TNFRSF21: variants seen among roughly 807,000 people sequenced by gnomAD.
TNFRSF21 encodes the protein tumor necrosis factor receptor superfamily member 21.
A neutral mutation model predicts 45.6 loss-of-function variants in TNFRSF21; 19 were observed. The ratio of observed to expected loss-of-function variants is 0.42; its 90% CI spans 0.29 to 0.61. The LOEUF (loss-of-function observed/expected upper bound fraction) is 0.61, where lower values mean the gene tolerates loss of function less well. TNFRSF21 is among the 20% of genes least tolerant of loss of function. The pLI is 0.23. For missense variants in TNFRSF21, 737 were observed against 851.5 expected, an observed-to-expected ratio of 0.87 and a Z score of 1.67; for synonymous variants, 314 against 335.5, an observed-to-expected ratio of 0.94 and a Z score of 0.70.
chr6:47,295,191 C>G (rs1201810633), intron 1 of TNFRSF21, among the ~76,000 whole-genome samples: 1 of 152,202 alleles, frequency 6.6e-6, no homozygotes, highest in Non-Finnish European at 1.5e-5. Context: ...GTTGTCACTT[C>G]TATTCTCGGA....
At chr6:47,307,044 A>T (rs1762950325) in intron 1 of TNFRSF21, among the ~76,000 whole-genome samples, 1 of 152,194 alleles carries the variant, frequency 6.6e-6, no homozygotes, top group Admixed American at 6.5e-5. Context: ...TGTGCTGTGG[A>T]CTTGGGCATG....
At chr6:47,267,844 C>T (rs1045535020) in intron 3 of TNFRSF21, among the ~76,000 whole-genome samples, 1 of 152,142 alleles carries the variant, frequency 6.6e-6, no homozygotes, top group Non-Finnish European at 1.5e-5. Flanking sequence ...TGCTGCCTCC[C>T]AGGGTGAAGT....
intron 3 of TNFRSF21, among the ~76,000 whole-genome samples, chr6:47,259,486 G>A (rs544361153): frequency 4.6e-5 from 7 of 152,004 alleles, no homozygotes; most frequent in South Asian, 2.1e-4. Flanking sequence ...GAGATTCTCC[G>A]GCCTCAGGCT....
chr6:47,244,280 C>T (rs573618789), intron 4 of TNFRSF21, among the ~76,000 whole-genome samples: 8 of 145,824 alleles, frequency 5.5e-5, no homozygotes, highest in South Asian at 2.2e-4. Context: ...CCCGAGATGG[C>T]GCCACTGCAC....
At chr6:47,258,157 C>T (rs1765016475) in intron 3 of TNFRSF21, among the ~76,000 whole-genome samples, 1 of 151,794 alleles carries the variant, frequency 6.6e-6, no homozygotes, top group Non-Finnish European at 1.5e-5. Context: ...ATCCCTTGAC[C>T]CAGGAGTTCA....
At chr6:47,285,897 T>C in intron 2 of TNFRSF21, 47 bp downstream of exon 2, 2 of 1,586,728 alleles carry the variant, frequency 1.3e-6, no homozygotes, top group African/African-American at 1.3e-5. Flanking sequence ...GTACCTCCAC[T>C]GGGCTCAAAG....
chr6:47,257,295 A>C (rs1765002697), intron 3 of TNFRSF21, among the ~76,000 whole-genome samples: 3 of 152,202 alleles, frequency 2.0e-5, no homozygotes, highest in Admixed American at 6.5e-5. Context: ...TGGAAGCTAA[A>C]TTTAAGGCCT....
chr6:47,287,450 A>G (rs1009421992), intron 1 of TNFRSF21, among the ~76,000 whole-genome samples: 4 of 151,746 alleles, frequency 2.6e-5, no homozygotes, highest in African/African-American at 9.7e-5. Flanking sequence ...TAAAAAAAAA[A>G]CTTGCCCTGT....
intron 1 of TNFRSF21, among the ~76,000 whole-genome samples, chr6:47,303,839 T>C (rs1029023260): frequency 6.6e-6 from 1 of 152,236 alleles, no homozygotes; most frequent in Non-Finnish European, 1.5e-5. Flanking sequence ...CCAGTATTTA[T>C]TCATGATCTC....
chr6:47,257,373 C>T (rs1765003194), intron 3 of TNFRSF21, among the ~76,000 whole-genome samples: 1 of 152,334 alleles, frequency 6.6e-6, no homozygotes, highest in African/African-American at 2.4e-5. Context: ...GGAGTCAACT[C>T]CATGAACTGG....
intron 3 of TNFRSF21, among the ~76,000 whole-genome samples, chr6:47,256,827 A>G (rs915271751): frequency 2.0e-5 from 3 of 152,180 alleles, no homozygotes; most frequent in African/African-American, 7.2e-5. Context: ...ATTTAGATCA[A>G]TTTGACTAAG....
intron 1 of TNFRSF21, among the ~76,000 whole-genome samples, chr6:47,293,047 T>C (rs1035755688): frequency 9.8e-5 from 15 of 152,356 alleles, no homozygotes; most frequent in African/African-American, 3.4e-4. Context: ...ACCTTCCCTG[T>C]AAAGCCTTTA....
At chr6:47,269,145 T>A (rs549131539) in intron 3 of TNFRSF21, among the ~76,000 whole-genome samples, 2 of 152,138 alleles carry the variant, frequency 1.3e-5, no homozygotes, top group East Asian at 3.9e-4. Context: ...ATCTTCTGTA[T>A]AATGAGAGGA....
intron 3 of TNFRSF21, among the ~76,000 whole-genome samples, chr6:47,263,000 G>A (rs571533200): frequency 3.2e-4 from 48 of 152,268 alleles, no homozygotes; most frequent in African/African-American, 1.1e-3. Context: ...GATAAAAATG[G>A]AGCAACCAGT....
rs1582323638 is a variant in TNFRSF21, at chr6:47,253,310, G to A, written c.1455C>T (p.His485=). 1.9e-6 allele frequency: 3 copies of A among 1,613,846 alleles called. No homozygotes were observed. The African/African-American group carries it at 4.0e-5, about 22-fold the overall frequency. ...LAQLISALRQ[H]RRNDVVEKIR... ...TCTTCTCCACAACATCGTTTCTCCGGTGCTGGCGCAGGGCGCTAATTAGCT... is the reference window on the plus strand; with the variant it reads ...TCTTCTCCACAACATCGTTTCTCCGATGCTGGCGCAGGGCGCTAATTAGCT... The change falls in exon 4 of 6, where the codon CAC becomes CAT. Residue 485 remains histidine (H), a synonymous_variant. Coordinates refer to ENST00000296861, the MANE Select transcript of TNFRSF21 (RefSeq NM_014452.5).
At chr6:47,276,964 C>A (rs1177353537) in intron 3 of TNFRSF21, among the ~76,000 whole-genome samples, 2 of 152,032 alleles carry the variant, frequency 1.3e-5, no homozygotes, top group African/African-American at 2.4e-5. Flanking sequence ...GTTGCTCCTA[C>A]CTAAGTACAG....
At chr6:47,278,598 G>T (rs555975029) in intron 3 of TNFRSF21, among the ~76,000 whole-genome samples, 1 of 152,258 alleles carries the variant, frequency 6.6e-6, no homozygotes, top group East Asian at 1.9e-4. Context: ...AGGCACAGGG[G>T]ACATACAGTA....
In TNFRSF21 at chr6:47,309,690, G is replaced by A. The variant is rs1339999110; in HGVS notation, c.-179C>T. ...AGGGAGGCGGCAAGGGAGGCTCTAGGGGCGCTCAGCACCTGCCCAGCGGCG... is the reference window on the plus strand; with the variant it reads ...AGGGAGGCGGCAAGGGAGGCTCTAGAGGCGCTCAGCACCTGCCCAGCGGCG... On this transcript the variant is annotated 5_prime_UTR_variant, in exon 1 of 6. Coordinates refer to ENST00000296861, the MANE Select transcript of TNFRSF21 (RefSeq NM_014452.5). The A allele has an allele frequency of 1.1e-6, 1 of 936,508 alleles. No individual in the cohort carries two copies. Among genetic ancestry groups the A allele is most frequent in the Non-Finnish European group, 1.4e-6 (1 of 697,156 alleles). 58.0% of individuals were successfully genotyped at this position (936,508 alleles called of 1,614,324 possible). A position where few individuals can be genotyped will look rare whatever the true frequency, so the allele number is the denominator to read the frequency against.
At chr6:47,294,673 A>T (rs1987768) in intron 1 of TNFRSF21, among the ~76,000 whole-genome samples, 19,969 of 148,566 alleles carry the variant, frequency 0.13, 2,021 homozygotes, top group East Asian at 0.45. Context: ...TCAAAGAGTT[A>T]AAAAATTCCC....
Sources: allele counts gnomAD v4.1 joint callset (sites outside exome capture counted in the v4.1 genomes callset), GRCh38; gene constraint gnomAD v4.1.1; transcripts MANE v1.5; gene names NCBI Gene and HGNC (gene_info 2026-07-23, HGNC 2026-07-21).